Variants in LYPD6 observed in about 807,000 individuals in gnomAD.
The protein encoded by LYPD6 is LY6/PLAUR domain containing 6, also known as ly6/PLAUR domain-containing protein 6.
Under a neutral mutation model 22.7 loss-of-function variants are expected in LYPD6, and 15 were observed. The ratio of observed to expected loss-of-function variants is 0.66; its 90% CI spans 0.44 to 1.02. LYPD6 has a LOEUF of 1.02. LYPD6 is among the 50% of genes least tolerant of loss of function. The pLI is 0.00. For missense variants in LYPD6, 189 were observed against 208.4 expected, an observed-to-expected ratio of 0.91 and a Z score of 0.57; for synonymous variants, 72 against 77.5, an observed-to-expected ratio of 0.93 and a Z score of 0.37.
At chr2:149,368,234 T>G (rs1681724126) in intron 1 of LYPD6, 1 of 152,314 alleles carries the variant, frequency 6.6e-6, no homozygotes, top group Non-Finnish European at 1.5e-5. Flanking sequence ...GACTTAACCT[T>G]TGAAGAAATG....
chr2:149,413,900 G>A (rs1302384190), intron 1 of LYPD6, among the ~76,000 whole-genome samples: 2 of 152,250 alleles, frequency 1.3e-5, no homozygotes, highest in South Asian at 2.1e-4. Context: ...ACCATACAGC[G>A]TGATCAATAA....
At chr2:149,374,419 A>G (rs1204262329) in intron 1 of LYPD6, among the ~76,000 whole-genome samples, 1 of 152,204 alleles carries the variant, frequency 6.6e-6, no homozygotes, top group Non-Finnish European at 1.5e-5. Context: ...CCTGTGACAC[A>G]GTGACATCTA....
chr2:149,341,902 C>T (rs1408021154), intron 1 of LYPD6, among the ~76,000 whole-genome samples: 1 of 152,106 alleles, frequency 6.6e-6, no homozygotes, highest in Non-Finnish European at 1.5e-5. Flanking sequence ...CATGACCACA[C>T]CTGAATTTTG....
intron 1 of LYPD6, among the ~76,000 whole-genome samples, chr2:149,350,428 G>C (rs1301322612): frequency 1.3e-5 from 2 of 152,136 alleles, no homozygotes; most frequent in African/African-American, 4.8e-5. Flanking sequence ...TTTGTTCTTT[G>C]GGTTTCAAGG....
In LYPD6 at chr2:149,472,902, A is replaced by C. The variant is rs538418614; in HGVS notation, c.*2052A>C. 5.2e-5 allele frequency: 8 copies of C among 152,690 alleles called. 1 individual carries two copies. The South Asian group carries it at 1.7e-3, about 32-fold the overall frequency. 9.5% of individuals were successfully genotyped at this position (152,690 alleles called of 1,614,324 possible). A position where few individuals can be genotyped will look rare whatever the true frequency, so the allele number is the denominator to read the frequency against. ...AGACTTTCAGGCCTGACTTCATAGG[A>C]ATTCATCCATCTTATCATGTGGAGT... is the stretch of plus-strand genomic sequence containing the variant. On this transcript the variant is annotated 3_prime_UTR_variant, in exon 5 of 5. Coordinates refer to ENST00000334166, the MANE Select transcript of LYPD6 (RefSeq NM_194317.5).
At chr2:149,336,538 C>T (rs1681037504) in intron 1 of LYPD6, among the ~76,000 whole-genome samples, 1 of 152,266 alleles carries the variant, frequency 6.6e-6, no homozygotes, top group Non-Finnish European at 1.5e-5. Flanking sequence ...GGTTATAAAA[C>T]TCTGTATTAA....
intron 1 of LYPD6, among the ~76,000 whole-genome samples, chr2:149,428,006 C>T (rs1443988562): frequency 6.6e-6 from 1 of 152,156 alleles, no homozygotes; most frequent in Admixed American, 6.5e-5. Context: ...TTTTAAAAAA[C>T]ATTGATTTTT....
chr2:149,477,278 C>T (rs6748411), downstream of LYPD6, among the ~76,000 whole-genome samples: 3,084 of 152,226 alleles, frequency 0.02, 51 homozygotes, highest in African/African-American at 0.039. Flanking sequence ...TGAGATGTGC[C>T]ATCAGACCTC....
intron 3 of LYPD6, among the ~76,000 whole-genome samples, chr2:149,450,265 C>T (rs1683777716): frequency 6.6e-6 from 1 of 152,186 alleles, no homozygotes; most frequent in Admixed American, 6.5e-5. Context: ...TCTTCACCCA[C>T]ATTTCTGATT....
At chr2:149,464,185 G>A (rs964596387) in intron 3 of LYPD6, 1 of 382,326 alleles carries the variant, frequency 2.6e-6, no homozygotes, top group Admixed American at 4.1e-5. Context: ...TAGAAGAAAA[G>A]CCAGATATCC....
chr2:149,440,495 T>C (rs1186444975), intron 2 of LYPD6: 1 of 152,244 alleles, frequency 6.6e-6, no homozygotes, highest in Non-Finnish European at 1.5e-5. Flanking sequence ...TTTTCTGATA[T>C]GATTTTGAGA....
At chr2:149,414,293 A>G (rs1263814295) in intron 1 of LYPD6, among the ~76,000 whole-genome samples, 1 of 152,184 alleles carries the variant, frequency 6.6e-6, no homozygotes, top group East Asian at 1.9e-4. Flanking sequence ...TCCCTAATGT[A>G]TTTTTAATAC....
At chr2:149,331,049 A>T (rs1237845581) in intron 1 of LYPD6, among the ~76,000 whole-genome samples, 1 of 152,172 alleles carries the variant, frequency 6.6e-6, no homozygotes, top group Non-Finnish European at 1.5e-5. Context: ...GGAGTAATTC[A>T]GCATCTTCTC....
chr2:149,354,246 G>C (rs1009081920), intron 1 of LYPD6, among the ~76,000 whole-genome samples: 6 of 151,990 alleles, frequency 3.9e-5, no homozygotes, highest in Admixed American at 1.3e-4. Flanking sequence ...CTTGCTCTGT[G>C]ACCCAGGCTG....
intron 3 of LYPD6, among the ~76,000 whole-genome samples, chr2:149,454,035 A>G (rs748151998): frequency 1.3e-5 from 2 of 152,252 alleles, no homozygotes; most frequent in Non-Finnish European, 2.9e-5. Flanking sequence ...GTAATTTACA[A>G]AAAGTGCTGG....
chr2:149,435,419 CTG>C (rs1683408783), intron 1 of LYPD6, among the ~76,000 whole-genome samples: 1 of 152,216 alleles, frequency 6.6e-6, no homozygotes, highest in Non-Finnish European at 1.5e-5. Flanking sequence ...GACTCTCAAA[CTG>C]AGCCCTGCTA....
intron 1 of LYPD6, among the ~76,000 whole-genome samples, chr2:149,411,671 G>A (rs977380221): frequency 1.5e-4 from 23 of 152,164 alleles, no homozygotes; most frequent in African/African-American, 5.3e-4. Context: ...GGGGAAGCTA[G>A]CATGGAATTA....
At position 149,471,292 on chromosome 2, in the gene LYPD6, G is replaced by C. The variant is rs1354638096; in HGVS notation, c.*442G>C. ...AATCATGAGTTCATTTGTAGCTTTA[G>C]AATTTTAAAACATTGACTCCAAACT... On this transcript the variant is annotated 3_prime_UTR_variant, in exon 5 of 5. Transcript: ENST00000334166. 1.3e-5 allele frequency: 2 copies of C among 152,786 alleles called. No homozygotes were observed. The highest frequency in any genetic ancestry group is 2.9e-5 in the Non-Finnish European group (2 of 68,522). 9.5% of individuals were successfully genotyped at this position (152,786 alleles called of 1,614,324 possible).
At chr2:149,373,922 G>A (rs1573750867) in intron 1 of LYPD6, among the ~76,000 whole-genome samples, 1 of 152,092 alleles carries the variant, frequency 6.6e-6, no homozygotes, top group South Asian at 2.1e-4. Flanking sequence ...AAGTTGCTGT[G>A]GGAAACTATT....
Sources: allele counts gnomAD v4.1 joint callset (sites outside exome capture counted in the v4.1 genomes callset), GRCh38; gene constraint gnomAD v4.1.1; transcripts MANE v1.5; gene names NCBI Gene and HGNC (gene_info 2026-07-23, HGNC 2026-07-21).